RASSF5: variants seen among roughly 807,000 people sequenced by gnomAD.
The protein encoded by RASSF5 is Ras association domain family member 5, also known as ras association domain-containing protein 5.
RASSF5 carries 25 observed loss-of-function variants against 40.5 expected under a neutral mutation model. That is an observed-to-expected ratio of 0.62 (90% CI 0.45 to 0.86). The LOEUF (loss-of-function observed/expected upper bound fraction) is 0.86. Ranked by LOEUF, RASSF5 falls within the 40% of genes least tolerant of loss-of-function variation. RASSF5 has a pLI of 0.00. For missense variants in RASSF5, 521 were observed against 572.8 expected, an observed-to-expected ratio of 0.91 and a Z score of 0.92; for synonymous variants, 246 against 252.4, an observed-to-expected ratio of 0.97 and a Z score of 0.24.
chr1:206,515,515 G>A (rs1553395290), intron 1 of RASSF5, among the ~76,000 whole-genome samples: 1 of 152,134 alleles, frequency 6.6e-6, no homozygotes, highest in East Asian at 1.9e-4. Flanking sequence ...TCATGACACA[G>A]CACTAGTCAG....
intron 1 of RASSF5, among the ~76,000 whole-genome samples, chr1:206,529,995 A>G (rs1667195345): frequency 1.3e-5 from 2 of 152,242 alleles, no homozygotes; most frequent in Admixed American, 1.3e-4. Context: ...GGATTATATG[A>G]AATAATGCAT....
chr1:206,540,775 T>C (rs1211324319), intron 2 of RASSF5, among the ~76,000 whole-genome samples: 2 of 152,234 alleles, frequency 1.3e-5, no homozygotes, highest in Non-Finnish European at 2.9e-5. Context: ...GCTAACTTCA[T>C]GTGCTAGTGC....
At chr1:206,537,082 T>A (rs1209549534) in intron 1 of RASSF5, among the ~76,000 whole-genome samples, 4 of 150,800 alleles carry the variant, frequency 2.7e-5, no homozygotes, top group African/African-American at 9.7e-5. Context: ...TGACTTCACC[T>A]CCCTTCTGCC....
chr1:206,518,647 T>C, intron 1 of RASSF5: 1 of 395,600 alleles, frequency 2.5e-6, no homozygotes, highest in Non-Finnish European at 4.4e-6. Flanking sequence ...CAGTCTGCTG[T>C]TTAGTGCTGA....
intron 2 of RASSF5, among the ~76,000 whole-genome samples, chr1:206,581,468 G>C (rs1468827421): frequency 6.6e-6 from 1 of 152,062 alleles, no homozygotes; most frequent in Non-Finnish European, 1.5e-5. Flanking sequence ...GTGTGGTGGT[G>C]CGCACCTGTA....
At chr1:206,553,278 C>T (rs1667894454) in intron 2 of RASSF5, among the ~76,000 whole-genome samples, 1 of 152,102 alleles carries the variant, frequency 6.6e-6, no homozygotes, top group Admixed American at 6.5e-5. Flanking sequence ...GAACTTGATA[C>T]ATAGTAATTA....
Position 206,579,437 on chromosome 1 carries a change from G to C in RASSF5, c.580-3832G>C, listed in dbSNP as rs995548078. ...CCTTAAGAATCTGGCAGGTGAATAGGAATCAGAGTCTTTGTCTTATCCTCT... is the reference window on the plus strand; with the variant it reads ...CCTTAAGAATCTGGCAGGTGAATAGCAATCAGAGTCTTTGTCTTATCCTCT... On this transcript the variant is annotated intron_variant, in intron 2 of 5. Coordinates refer to ENST00000579436, the MANE Select transcript of RASSF5 (RefSeq NM_182663.4). The surrounding 1 kb of genome is among the most constrained non-coding windows in gnomAD (Gnocchi z 4.2). Among the ~76,000 whole-genome samples the C allele has an allele frequency of 6.6e-6, 1 of 152,186 alleles. No individual in the cohort carries two copies. The highest frequency in any genetic ancestry group is 1.5e-5 in the Non-Finnish European group (1 of 68,040).
intron 2 of RASSF5, among the ~76,000 whole-genome samples, chr1:206,569,896 C>T (rs1368151469): frequency 6.6e-6 from 1 of 152,052 alleles, no homozygotes; most frequent in African/African-American, 2.4e-5. Context: ...TCTTGGAGGG[C>T]TTGGCGTGAT....
At position 206,507,813 on chromosome 1, in the gene RASSF5, G is replaced by C; in HGVS notation, c.211G>C (p.Glu71Gln). The change falls in exon 1 of 6, where the codon GAG (glutamate) becomes CAG (glutamine). Residue 71 changes from glutamate to glutamine, a missense_variant. Glu to Gln is a conservative substitution (Grantham distance 29, BLOSUM62 2). Transcript: ENST00000579436. Reference sequence around the variant, plus strand: ...CCGGAGGGCTGCCCGGGGGAACCTGGAGCCCCCGCCCCGGGCCTCCCGACC... The same window carrying C: ...CCGGAGGGCTGCCCGGGGGAACCTGCAGCCCCCGCCCCGGGCCTCCCGACC... ...SARRAARGNLEPPPRASRPAR... is the reference protein window; with the variant it reads ...SARRAARGNLQPPPRASRPAR... The C allele has an allele frequency of 7.1e-7, 1 of 1,401,732 alleles. No individual in the cohort carries two copies. Among genetic ancestry groups the C allele is most frequent in the Non-Finnish European group, 9.2e-7 (1 of 1,086,828 alleles). The allele number at this position is 1,401,732 out of a possible 1,614,324, so 86.8% of individuals were successfully genotyped here. A position where few individuals can be genotyped will look rare whatever the true frequency, so the allele number is the denominator to read the frequency against.
chr1:206,512,288 T>C (rs1227529389), intron 1 of RASSF5, among the ~76,000 whole-genome samples: 2 of 152,146 alleles, frequency 1.3e-5, no homozygotes, highest in Non-Finnish European at 2.9e-5. Flanking sequence ...AGAGGCCTTC[T>C]GAGCTTCCCA....
intron 1 of RASSF5, among the ~76,000 whole-genome samples, chr1:206,523,520 A>T (rs12745445): frequency 2.8e-5 from 1 of 35,138 alleles, no homozygotes; most frequent in South Asian, 1.1e-3. Flanking sequence ...ATTATATATT[A>T]TATATTTTAT....
At chr1:206,530,339 A>T (rs1183233694) in intron 1 of RASSF5, among the ~76,000 whole-genome samples, 1 of 152,196 alleles carries the variant, frequency 6.6e-6, no homozygotes, top group African/African-American at 2.4e-5. Flanking sequence ...ACCAATATCA[A>T]TATGCATCAT....
intron 2 of RASSF5, among the ~76,000 whole-genome samples, chr1:206,566,897 T>C (rs1185308685): frequency 2.0e-5 from 3 of 152,082 alleles, no homozygotes; most frequent in African/African-American, 7.2e-5. Context: ...GGTAAGTGCT[T>C]AATGTGGGTT....
chr1:206,515,617 C>G (rs1175772539), intron 1 of RASSF5, among the ~76,000 whole-genome samples: 2 of 152,176 alleles, frequency 1.3e-5, no homozygotes, highest in Non-Finnish European at 1.5e-5. Flanking sequence ...CTGAAGCTGC[C>G]TAATGGACCT....
rs574725662 is a variant in RASSF5 at position 206,552,744 on chromosome 1, T to A, written c.579+14451T>A. On this transcript the variant is annotated intron_variant, in intron 2 of 5. Coordinates refer to ENST00000579436, the MANE Select transcript of RASSF5 (RefSeq NM_182663.4). The surrounding 1 kb of genome is among the most constrained non-coding windows in gnomAD (Gnocchi z 4.1). ...ATCTGCAAAATACCTTCTTGCAGGGTTCTGAGGATTAAGTGAGATAATGAA... is the reference window on the plus strand; with the variant it reads ...ATCTGCAAAATACCTTCTTGCAGGGATCTGAGGATTAAGTGAGATAATGAA... 3.9e-5 allele frequency among the ~76,000 whole-genome samples: 6 copies of A among 152,164 alleles called. No homozygotes were observed. The highest frequency in any genetic ancestry group is 5.9e-5 in the Non-Finnish European group (4 of 68,020).
intron 1 of RASSF5, among the ~76,000 whole-genome samples, chr1:206,520,886 C>T (rs1016898181): frequency 6.6e-6 from 1 of 152,250 alleles, no homozygotes; most frequent in Admixed American, 6.5e-5. Flanking sequence ...AACTGCTCCC[C>T]GTGGGTCATT....
In RASSF5 at chr1:206,513,731, CAT is replaced by C. The variant is rs1280410134; in HGVS notation, c.457+5673_457+5674del. On this transcript the variant is annotated intron_variant, in intron 1 of 5. Transcript: ENST00000579436. This position sits in a 1 kb window ranked among gnomAD's most constrained non-coding sequence, Gnocchi z 5.0. ...AAGACTTTTGGCAAGCCTTTCTCCA[CAT>C]GTTCCGGGCTGGATCTCAGGGTCGG... is the stretch of plus-strand genomic sequence containing the variant. 6.6e-6 allele frequency among the ~76,000 whole-genome samples: 1 copy of C among 152,182 alleles called. No homozygotes were observed. Among genetic ancestry groups the C allele is most frequent in the African/African-American group, 2.4e-5 (1 of 41,444 alleles).
rs1421142578 is a variant in RASSF5, at chr1:206,560,578, C to G, written c.579+22285C>G. The stretch of plus-strand genomic sequence containing the variant: ...AGTTTTAGGAGGCTGAGGCAGTACT[C>G]TCCTGGTACTTTCCCACTTGGCTAG... On this transcript the variant is annotated intron_variant, in intron 2 of 5. Coordinates refer to ENST00000579436, the MANE Select transcript of RASSF5 (RefSeq NM_182663.4). The surrounding 1 kb of genome is among the most constrained non-coding windows in gnomAD (Gnocchi z 5.1). Among the ~76,000 whole-genome samples the G allele has an allele frequency of 6.6e-6, 1 of 152,210 alleles. No homozygotes were observed. Among genetic ancestry groups the G allele is most frequent in the Non-Finnish European group, 1.5e-5 (1 of 68,030 alleles).
chr1:206,536,426 G>A (rs1330017067), intron 1 of RASSF5, among the ~76,000 whole-genome samples: 1 of 152,128 alleles, frequency 6.6e-6, no homozygotes, highest in Admixed American at 6.5e-5. Context: ...GCGGTTCTGG[G>A]ATCTCTGTGT....
Sources: gnomAD v4.1 joint callset for allele counts (sites outside exome capture counted in the v4.1 genomes callset) on GRCh38, gnomAD v4.1.1 for gene constraint, Gnocchi (gnomAD v3.1) non-coding constraint, MANE v1.5 for transcripts, NCBI Gene and HGNC (gene_info 2026-07-23, HGNC 2026-07-21) for gene names.